The following TGFB1 variants were observed in gnomAD, a reference collection of about 807,000 sequenced individuals.
TGFB1 encodes the protein transforming growth factor beta-1 proprotein.
Under a neutral mutation model 43.8 loss-of-function variants are expected in TGFB1, and 19 were observed. That is an observed-to-expected ratio of 0.43 (90% CI 0.30 to 0.64). TGFB1 has a LOEUF of 0.64. TGFB1 is among the 30% of genes least tolerant of loss of function. TGFB1 has a pLI of 0.11. For missense variants in TGFB1, 445 were observed against 529.8 expected (o/e 0.84, Z 1.57); for synonymous variants, 221 against 236.3 (o/e 0.94, Z 0.60).
At chr19:41,337,585 G>C (rs1437622482) in intron 5 of TGFB1, among the ~76,000 whole-genome samples, 1 of 151,962 alleles carries the variant, frequency 6.6e-6, no homozygotes, top group African/African-American at 2.4e-5. Flanking sequence ...CCTCTCTTAG[G>C]ACTTTTTTCA....
At chr19:41,334,239 G>T (rs1386700489) in intron 5 of TGFB1, among the ~76,000 whole-genome samples, 2 of 151,992 alleles carry the variant, frequency 1.3e-5, no homozygotes, top group Non-Finnish European at 2.9e-5. Flanking sequence ...GCTGGGTGTG[G>T]CGGTGCTTGT....
chr19:41,337,799 C>T (rs761713954), intron 5 of TGFB1, among the ~76,000 whole-genome samples: 34 of 152,168 alleles, frequency 2.2e-4, no homozygotes, highest in Admixed American at 4.6e-4. Flanking sequence ...AACATGAAGA[C>T]CTTTATGATA....
intron 3 of TGFB1, 111 bp from the exon 4 acceptor site, chr19:41,342,358 C>A: frequency 1.0e-6 from 1 of 1,000,570 alleles, no homozygotes; most frequent in Non-Finnish European, 1.5e-6. Flanking sequence ...CTCCCCCACC[C>A]ACCCCACTCT....
chr19:41,332,924 A>G (rs1307349311), intron 5 of TGFB1, among the ~76,000 whole-genome samples: 1 of 152,100 alleles, frequency 6.6e-6, no homozygotes, highest in Non-Finnish European at 1.5e-5. Flanking sequence ...TCTGCCCTCC[A>G]TGGGCATGCT....
chr19:41,330,529 C>G lies in TGFB1; in HGVS notation c.*523G>C, dbSNP rs2037917548. ...GGATTACAGGCGTGAGCCACCCCGC[C>G]TGGCCTGAACTACTATCTTTTATTG... On this transcript the variant is annotated 3_prime_UTR_variant, in exon 7 of 7. Transcript: ENST00000221930. 6.5e-6 allele frequency: 1 copy of G among 152,826 alleles called. No homozygotes were observed. The highest frequency in any genetic ancestry group is 1.9e-4 in the East Asian group (1 of 5,196). 9.5% of individuals were successfully genotyped at this position (152,826 alleles called of 1,614,324 possible). A position where few individuals can be genotyped will look rare whatever the true frequency, so the allele number is the denominator to read the frequency against.
chr19:41,340,251 CTT>C (rs3061188), intron 5 of TGFB1, among the ~76,000 whole-genome samples: 1,321 of 125,154 alleles, frequency 0.011, 30 homozygotes, highest in African/African-American at 0.037. Context: ...CACTTTCTTT[CTT>C]TTTTTTTTTT....
At chr19:41,347,118 G>A (rs1426950806) in intron 2 of TGFB1, among the ~76,000 whole-genome samples, 1 of 152,114 alleles carries the variant, frequency 6.6e-6, no homozygotes, top group Non-Finnish European at 1.5e-5. Flanking sequence ...GACCTCCTGG[G>A]CTCAATCAAT....
At chr19:41,352,418 G>T (rs1247751461) in intron 1 of TGFB1, among the ~76,000 whole-genome samples, 1 of 140,842 alleles carries the variant, frequency 7.1e-6, no homozygotes, top group Non-Finnish European at 1.5e-5. Context: ...CCCTCTAGGG[G>T]ACTGCCCCCA....
intron 2 of TGFB1, among the ~76,000 whole-genome samples, chr19:41,347,813 G>A (rs1327394144): frequency 8.4e-5 from 9 of 106,522 alleles, no homozygotes; most frequent in African/African-American, 3.1e-4. Context: ...GGGCGACAGA[G>A]CAAGACTCCA....
chr19:41,340,182 C>G (rs1424553846), intron 5 of TGFB1, among the ~76,000 whole-genome samples: 1 of 151,916 alleles, frequency 6.6e-6, no homozygotes, highest in South Asian at 2.1e-4. Flanking sequence ...TTCCAGTATG[C>G]CAGTATTGCA....
In TGFB1 at chr19:41,348,283, T is replaced by C; in HGVS notation, c.516+12A>G. The C allele has an allele frequency of 6.2e-7, 1 of 1,612,042 alleles. No individual in the cohort carries two copies. Among genetic ancestry groups the C allele is most frequent in the East Asian group, 2.2e-5 (1 of 44,856 alleles). On this transcript the variant is annotated intron_variant, in intron 2 of 6. Transcript: ENST00000221930. ...CCCATGCCCTGACCTTCCTTCTGGC[T>C]CATGTCCTCACCTGGTACAGCTCCA... is the stretch of plus-strand genomic sequence containing the variant.
rs200179008 is a variant in TGFB1, at chr19:41,330,954, G to T, written c.*98C>A. 1.1e-5 allele frequency: 13 copies of T among 1,193,826 alleles called. No homozygotes were observed. The highest frequency in any genetic ancestry group is 3.0e-4 in the Middle Eastern group (1 of 3,346). The allele number at this position is 1,193,826 out of a possible 1,614,324, so 74.0% of individuals were successfully genotyped here. ...TAATGGGGCCCCAGGTGGGCTTGGG[G>T]CACGGGTGTCCTTAAATACAGCCCC... On this transcript the variant is annotated 3_prime_UTR_variant, in exon 7 of 7. Coordinates refer to ENST00000221930, the MANE Select transcript of TGFB1 (RefSeq NM_000660.7).
At position 41,353,857 on chromosome 19, in the gene TGFB1, C is replaced by G; in HGVS notation, c.-813G>C. 6.2e-6 allele frequency: 1 copy of G among 160,868 alleles called. No homozygotes were observed. Among genetic ancestry groups the G allele is most frequent in the Non-Finnish European group, 1.4e-5 (1 of 74,032 alleles). The allele number at this position is 160,868 out of a possible 1,614,324, so 10.0% of individuals were successfully genotyped here. A position where few individuals can be genotyped will look rare whatever the true frequency, so the allele number is the denominator to read the frequency against. On this transcript the variant is annotated 5_prime_UTR_variant, in exon 1 of 7. Coordinates refer to ENST00000221930, the MANE Select transcript of TGFB1 (RefSeq NM_000660.7). This position sits in a 1 kb window ranked among gnomAD's most constrained non-coding sequence, Gnocchi z 5.9. ...CCCCTGCCCCCGGCCGGGGCCCTCG[C>G]TGTCTGGCTGCTCCGCGGAGGGAGG...
chr19:41,331,024 CCGGGGCGGGGCGGGG>C lies in TGFB1; in HGVS notation c.*13_*27del. The C allele has an allele frequency of 2.8e-6, 3 of 1,064,632 alleles. No individual in the cohort carries two copies. Among genetic ancestry groups the C allele is most frequent in the Non-Finnish European group, 3.5e-6 (3 of 845,396 alleles). The allele number at this position is 1,064,632 out of a possible 1,614,324, so 65.9% of individuals were successfully genotyped here. A position where few individuals can be genotyped will look rare whatever the true frequency, so the allele number is the denominator to read the frequency against. ...GCGGGGCGGGGTGGGGCCGGGCCTG[CCGGGGCGGGGCGGGG>C]CGGGGCGGGACCTCAGCTGCACTTG... On this transcript the variant is annotated 3_prime_UTR_variant, in exon 7 of 7. Transcript: ENST00000221930.
intron 5 of TGFB1, among the ~76,000 whole-genome samples, chr19:41,338,969 C>CGTGTGTGTGT (rs71179696): frequency 1.3e-5 from 2 of 150,122 alleles, no homozygotes; most frequent in East Asian, 2.0e-4. Context: ...ATGGGGGGTA[C>CGTGTGTGTGT]GTGTGTGTGT....
rs777853244 is a variant in TGFB1 at position 41,344,830 on chromosome 19, T to C, written c.551A>G (p.Asn184Ser). Residue 184 changes from asparagine to serine, a missense_variant, in exon 3 of 7, where the codon AAC becomes AGC. Asn to Ser is a conservative substitution (Grantham distance 46). Coordinates refer to ENST00000221930, the MANE Select transcript of TGFB1 (RefSeq NM_000660.7). ...YSNNSWRYLS[N>S]RLLAPSDSPE... ...CGAGTCGCTGGGTGCCAGCAGCCGG[T>C]TGCTGAGGTATCGCCAGGAATTGTT... 2 of 1,607,056 alleles carry C rather than the reference T, an allele frequency of 1.2e-6. No individual in the cohort carries two copies. Among genetic ancestry groups the C allele is most frequent in the Non-Finnish European group, 1.7e-6 (2 of 1,176,714 alleles).
chr19:41,348,108 GCAA>G (rs2038137604), intron 2 of TGFB1, among the ~76,000 whole-genome samples, 184 bp downstream of exon 2: 1 of 150,218 alleles, frequency 6.7e-6, no homozygotes, highest in African/African-American at 2.5e-5. Context: ...CTCCAGCTTG[GCAA>G]CAGAGTGAGA....
rs766467905 is a variant in TGFB1 at position 41,352,650 on chromosome 19, G to A, written c.355+40C>T. ...TGGCCCCGGCACTCCGGCGCCCCCT[G>A]GGGGCCCCCCTCCCGGCTCCCCTGC... On this transcript the variant is annotated intron_variant, in intron 1 of 6. Transcript: ENST00000221930. 18 of 1,606,456 alleles carry A rather than the reference G, an allele frequency of 1.1e-5. No individual in the cohort carries two copies. In the South Asian group the frequency reaches 1.9e-4, roughly 17 times the overall value.
In TGFB1 at chr19:41,330,850, G is replaced by C. The variant is rs200451143; in HGVS notation, c.*202C>G. The C allele has an allele frequency of 3.8e-6, 2 of 525,456 alleles. No homozygotes were observed. The highest frequency in any genetic ancestry group is 3.7e-5 in the Admixed American group (1 of 26,896). The allele number at this position is 525,456 out of a possible 1,614,324, so 32.5% of individuals were successfully genotyped here. On this transcript the variant is annotated 3_prime_UTR_variant, in exon 7 of 7. Coordinates refer to ENST00000221930, the MANE Select transcript of TGFB1 (RefSeq NM_000660.7). ...AGGCAGAGAGGGAGAGAGAGGGAGT[G>C]GGAGTGGGGGAACGTCAGGGATGGA... is the stretch of plus-strand genomic sequence containing the variant.
Sources: gnomAD v4.1 joint callset for allele counts (sites outside exome capture counted in the v4.1 genomes callset) on GRCh38, gnomAD v4.1.1 for gene constraint, Gnocchi (gnomAD v3.1) non-coding constraint, MANE v1.5 for transcripts, NCBI Gene and HGNC (gene_info 2026-07-23, HGNC 2026-07-21) for gene names.